FSTL4: variants seen among roughly 807,000 people sequenced by gnomAD.
The protein encoded by FSTL4 is follistatin like 4.
A neutral mutation model predicts 78.2 loss-of-function variants in FSTL4; 28 were observed. The ratio of observed to expected loss-of-function variants is 0.36; its 90% CI spans 0.27 to 0.49. FSTL4 has a LOEUF of 0.49. Ranked by LOEUF, FSTL4 falls within the 20% of genes least tolerant of loss-of-function variation. The pLI, the probability that FSTL4 is intolerant of heterozygous loss-of-function variation, is 0.98. For missense variants in FSTL4, 922 were observed against 1,084.9 expected (o/e 0.85, Z 2.11); for synonymous variants, 422 against 440.5 (o/e 0.96, Z 0.53).
chr5:133,679,163 T>G, the FSTL4 span, among the ~76,000 whole-genome samples: 12 of 152,194 alleles, frequency 7.9e-5, no homozygotes, highest in African/African-American at 2.4e-4. Context: ...ATGCAACATT[T>G]CTGCCCAGGG....
chr5:133,234,838 G>A (rs930839447), intron 7 of FSTL4, among the ~76,000 whole-genome samples: 2 of 152,204 alleles, frequency 1.3e-5, no homozygotes, highest in African/African-American at 4.8e-5. Context: ...GAGATCCGGT[G>A]AGAAAATGCA....
At chr5:133,582,851 T>C (rs1283707378) in intron 2 of FSTL4, among the ~76,000 whole-genome samples, 3 of 152,164 alleles carry the variant, frequency 2.0e-5, no homozygotes, top group African/African-American at 4.8e-5. Context: ...GGGCTATCCC[T>C]GTCCTGCCCT....
chr5:133,822,538 G>T, the FSTL4 span, among the ~76,000 whole-genome samples: 2 of 152,158 alleles, frequency 1.3e-5, no homozygotes. Context: ...TGGGAGAGTA[G>T]ACTTTAAAAC....
chr5:133,725,740 G>A, the FSTL4 span, among the ~76,000 whole-genome samples: 1 of 152,208 alleles, frequency 6.6e-6, no homozygotes, highest in Non-Finnish European at 1.5e-5. Flanking sequence ...TTGAAAGAGG[G>A]TGGGGTGTGT....
the FSTL4 span, among the ~76,000 whole-genome samples, chr5:133,797,599 A>G: frequency 6.6e-6 from 1 of 151,962 alleles, no homozygotes; most frequent in Admixed American, 6.6e-5. Context: ...ATGGCCAATA[A>G]CTCAGATTTT....
chr5:133,258,272 C>A lies in FSTL4; in HGVS notation c.728-8696G>T, dbSNP rs185332867. ...GTTACCTTGACTGGGCCACAAGGCA[C>A]CCAGATATTTGTTCGAGCATTATCC... is the stretch of plus-strand genomic sequence containing the variant. On this transcript the variant is annotated intron_variant, in intron 6 of 15. Transcript: ENST00000265342. Among the ~76,000 whole-genome samples, 241 of 152,256 alleles carry A rather than the reference C, an allele frequency of 1.6e-3. 2 individuals carry two copies. Among genetic ancestry groups the A allele is most frequent in the African/African-American group, 5.5e-3 (230 of 41,514 alleles).
At chr5:133,748,558 G>A in the FSTL4 span, among the ~76,000 whole-genome samples, 14 of 152,152 alleles carry the variant, frequency 9.2e-5, no homozygotes, top group Non-Finnish European at 1.8e-4. Context: ...GTGACAGAGC[G>A]AGACTCCATC....
chr5:133,277,538 A>G (rs920348365), intron 6 of FSTL4, among the ~76,000 whole-genome samples: 3 of 152,246 alleles, frequency 2.0e-5, no homozygotes, highest in Non-Finnish European at 4.4e-5. Context: ...AAATATTATC[A>G]TAGAAAACAT....
chr5:133,415,923 C>G (rs895258553), intron 3 of FSTL4, among the ~76,000 whole-genome samples: 26 of 152,172 alleles, frequency 1.7e-4, no homozygotes, highest in Admixed American at 1.6e-3. Flanking sequence ...CAGTTTATAG[C>G]TCAAGATACA....
chr5:133,329,029 T>C (rs1183901322), intron 4 of FSTL4, among the ~76,000 whole-genome samples: 1 of 152,136 alleles, frequency 6.6e-6, no homozygotes, highest in Non-Finnish European at 1.5e-5. Context: ...GGCACATCCA[T>C]AGAGACACGG....
intron 3 of FSTL4, chr5:133,427,793 C>T: frequency 2.3e-6 from 1 of 433,836 alleles, no homozygotes; most frequent in Admixed American, 2.0e-5. Flanking sequence ...ACAGACAAGG[C>T]TTTGGTTCCT....
chr5:133,374,891 A>G (rs989387900), intron 4 of FSTL4, among the ~76,000 whole-genome samples: 1 of 152,122 alleles, frequency 6.6e-6, no homozygotes, highest in Non-Finnish European at 1.5e-5. Context: ...AGACTATGAT[A>G]ATCCGTTATA....
At chr5:133,647,800 T>C in the FSTL4 span, among the ~76,000 whole-genome samples, 3 of 152,192 alleles carry the variant, frequency 2.0e-5, no homozygotes, top group African/African-American at 7.2e-5. Context: ...ATTACTCAAG[T>C]TAGATCTTAG....
chr5:133,214,318 C>T (rs1286613332), intron 13 of FSTL4, among the ~76,000 whole-genome samples: 2 of 152,202 alleles, frequency 1.3e-5, no homozygotes, highest in Non-Finnish European at 2.9e-5. Flanking sequence ...CGATATTATT[C>T]AGAGTATGTT....
intron 6 of FSTL4, among the ~76,000 whole-genome samples, chr5:133,290,065 A>G (rs1753223126): frequency 6.6e-6 from 1 of 152,176 alleles, no homozygotes; most frequent in African/African-American, 2.4e-5. Context: ...TCAAGAATTC[A>G]GCCTCAGAAC....
At chr5:133,767,668 A>G in the FSTL4 span, among the ~76,000 whole-genome samples, 1 of 152,234 alleles carries the variant, frequency 6.6e-6, no homozygotes, top group Admixed American at 6.5e-5. Flanking sequence ...ATCCAGAAGG[A>G]TGAGAATGGG....
intron 4 of FSTL4, among the ~76,000 whole-genome samples, chr5:133,383,746 G>A (rs547924800): frequency 1.4e-4 from 21 of 152,290 alleles, no homozygotes; most frequent in East Asian, 3.9e-4. Context: ...TCACCAAGGC[G>A]GTTGATTAAA....
intron 3 of FSTL4, among the ~76,000 whole-genome samples, chr5:133,432,913 T>C (rs2126997225): frequency 6.6e-6 from 1 of 152,348 alleles, no homozygotes; most frequent in African/African-American, 2.4e-5. Context: ...CAATTTTTCA[T>C]ATGCTTCTGT....
intron 3 of FSTL4, among the ~76,000 whole-genome samples, chr5:133,411,557 A>G (rs549568061): frequency 6.6e-6 from 1 of 152,348 alleles, no homozygotes; most frequent in East Asian, 1.9e-4. Context: ...AGAAATAAAG[A>G]AAGTCTTAAA....
Sources: allele counts gnomAD v4.1 joint callset (sites outside exome capture counted in the v4.1 genomes callset), GRCh38; gene constraint gnomAD v4.1.1; transcripts MANE v1.5; gene names NCBI Gene and HGNC (gene_info 2026-07-23, HGNC 2026-07-21).